LRRC7: variants seen among roughly 807,000 people sequenced by gnomAD.
LRRC7 encodes leucine-rich repeat-containing protein 7.
In LRRC7, 23 loss-of-function variants were observed where a neutral mutation model predicts 175.7. The observed-to-expected ratio is 0.13, with a 90% CI of 0.09 to 0.19. The LOEUF (loss-of-function observed/expected upper bound fraction) is 0.19. LRRC7 is among the 10% of genes least tolerant of loss of function. The pLI, the probability that LRRC7 is intolerant of heterozygous loss-of-function variation, is 1.00. For synonymous variants in LRRC7, 685 were observed against 680.9 expected, an observed-to-expected ratio of 1.01 and a Z score of -0.09; for missense variants, 1,354 against 1,904.7, an observed-to-expected ratio of 0.71 and a Z score of 5.38.
chr1:70,013,109 C>T lies in LRRC7; in HGVS notation c.1250+20C>T. The T allele has an allele frequency of 2.9e-6, 4 of 1,388,274 alleles. No homozygotes were observed. The highest frequency in any genetic ancestry group is 4.0e-6 in the Non-Finnish European group (4 of 1,002,634). 86.0% of individuals were successfully genotyped at this position (1,388,274 alleles called of 1,614,324 possible). A position where few individuals can be genotyped will look rare whatever the true frequency, so the allele number is the denominator to read the frequency against. On this transcript the variant is annotated intron_variant, in intron 13 of 26. Transcript: ENST00000651989. ...CAACAGGTATTTTTGCAACATTTCA[C>T]AATCACATATTAGTTATTTGCTGAA...
At chr1:69,859,025 G>A (rs1684052538) in intron 7 of LRRC7, among the ~76,000 whole-genome samples, 1 of 152,112 alleles carries the variant, frequency 6.6e-6, no homozygotes, top group South Asian at 2.1e-4. Flanking sequence ...GCAATTGACA[G>A]CAATACAATA....
chr1:70,038,381 A>C lies in LRRC7; in HGVS notation c.2557A>C (p.Arg853=), dbSNP rs1413278239. 6.2e-7 allele frequency: 1 copy of C among 1,614,162 alleles called. No individual in the cohort carries two copies. The highest frequency in any genetic ancestry group is 2.2e-5 in the East Asian group (1 of 44,860). The part of the protein sequence containing the change: ...HGRRPLIRQD[R]IVGVPLELEQ... The stretch of plus-strand genomic sequence containing the variant: ...ACGCAGGCCTTTGATCAGGCAAGAC[A>C]GGATTGTTGGTGTTCCCCTGGAACT... The change falls in exon 21 of 27, where the codon AGG becomes CGG. Residue 853 remains arginine (R), a synonymous_variant. Coordinates refer to ENST00000651989, the MANE Select transcript of LRRC7 (RefSeq NM_001370785.2).
At chr1:69,804,235 T>C (rs888423353) in intron 4 of LRRC7, among the ~76,000 whole-genome samples, 1 of 151,488 alleles carries the variant, frequency 6.6e-6, no homozygotes, top group Non-Finnish European at 1.5e-5. Flanking sequence ...ATTTTTCAAA[T>C]GTTTCTTCTT....
chr1:69,789,959 T>C (rs1674924252), intron 3 of LRRC7, among the ~76,000 whole-genome samples: 1 of 152,066 alleles, frequency 6.6e-6, no homozygotes, highest in African/African-American at 2.4e-5. Context: ...TCATCAAATA[T>C]TCAAGGCCAT....
In LRRC7 at chr1:69,951,601, C is replaced by T. The variant is rs537623121; in HGVS notation, c.711+20031C>T. Among the ~76,000 whole-genome samples the T allele has an allele frequency of 5.7e-4, 86 of 152,128 alleles. 2 individuals are homozygous for T. Among genetic ancestry groups the T allele is most frequent in the African/African-American group, 1.6e-3 (68 of 41,526 alleles). ...AGTACATATAGACCATGGAAAACTA[C>T]GCATCCATAAAAAAGAACAAGATCA... On this transcript the variant is annotated intron_variant, in intron 8 of 26. Coordinates refer to ENST00000651989, the MANE Select transcript of LRRC7 (RefSeq NM_001370785.2).
At chr1:69,875,930 G>T (rs994479215) in intron 7 of LRRC7, among the ~76,000 whole-genome samples, 26 of 152,116 alleles carry the variant, frequency 1.7e-4, no homozygotes, top group African/African-American at 6.3e-4. Context: ...TACAGTATGT[G>T]GCTACCCATT....
chr1:69,993,289 C>T lies in LRRC7; in HGVS notation c.932-1272C>T, dbSNP rs1654616276. On this transcript the variant is annotated intron_variant, in intron 10 of 26. Transcript: ENST00000651989. ...TGTATTCAGTTCCCAGGTACTTGCT[C>T]ATAACAGTCTGATAGTGATAACATT... Among the ~76,000 whole-genome samples the T allele has an allele frequency of 2.0e-5, 3 of 152,120 alleles. No homozygotes were observed. In the South Asian group the frequency reaches 6.2e-4, roughly 32 times the overall value.
At chr1:70,080,958 C>T (rs1257367021) in intron 24 of LRRC7, among the ~76,000 whole-genome samples, 2 of 152,164 alleles carry the variant, frequency 1.3e-5, no homozygotes, top group South Asian at 2.1e-4. Context: ...TTAAAGATCC[C>T]ATCCACCTTA....
intron 1 of LRRC7, among the ~76,000 whole-genome samples, chr1:69,592,284 G>A (rs1646667864): frequency 6.6e-6 from 1 of 151,862 alleles, no homozygotes; most frequent in Admixed American, 6.6e-5. Flanking sequence ...AAATTTTTAC[G>A]TAAAGTCTGC....
intron 7 of LRRC7, among the ~76,000 whole-genome samples, chr1:69,882,298 C>T (rs1451193163): frequency 2.6e-5 from 4 of 152,072 alleles, no homozygotes; most frequent in South Asian, 4.2e-4. Context: ...TTACAGAAAA[C>T]GGTACGAAGA....
chr1:69,572,071 T>C (rs1370018678), intron 1 of LRRC7, among the ~76,000 whole-genome samples: 1 of 152,138 alleles, frequency 6.6e-6, no homozygotes, highest in Non-Finnish European at 1.5e-5. Flanking sequence ...TTTAGGGGAA[T>C]GTTAATTCAA....
intron 1 of LRRC7, among the ~76,000 whole-genome samples, chr1:69,677,234 T>A (rs1314868916): frequency 1.9e-5 from 2 of 103,748 alleles, no homozygotes; most frequent in Non-Finnish European, 2.3e-5. Flanking sequence ...TAACATATAT[T>A]ATATATGTTA....
chr1:70,101,668 A>ATT (rs1185143540), intron 25 of LRRC7, among the ~76,000 whole-genome samples: 1 of 152,214 alleles, frequency 6.6e-6, no homozygotes, highest in Non-Finnish European at 1.5e-5. Flanking sequence ...TTTTTCCAAA[A>ATT]TTACTGTGAA....
intron 25 of LRRC7, among the ~76,000 whole-genome samples, chr1:70,091,574 T>C (rs1280012979): frequency 6.6e-6 from 1 of 152,204 alleles, no homozygotes; most frequent in Non-Finnish European, 1.5e-5. Flanking sequence ...AGTCAAGATG[T>C]CAGAATACTG....
At chr1:70,044,242 G>GA in intron 22 of LRRC7, 148 bp downstream of exon 22, 1 of 663,976 alleles carries the variant, frequency 1.5e-6, no homozygotes. Context: ...TGTAGAGCCT[G>GA]AACTCTTAGC....
At chr1:69,821,151 A>C (rs1196900206) in intron 4 of LRRC7, among the ~76,000 whole-genome samples, 5 of 152,170 alleles carry the variant, frequency 3.3e-5, no homozygotes, top group African/African-American at 1.2e-4. Flanking sequence ...TTGGCTACAT[A>C]AATGTATTTC....
At chr1:69,693,101 C>T (rs754434557) in intron 2 of LRRC7, among the ~76,000 whole-genome samples, 3 of 152,178 alleles carry the variant, frequency 2.0e-5, no homozygotes, top group Admixed American at 6.5e-5. Flanking sequence ...ACTGGCTTTC[C>T]TGGGTCTCCA....
rs61784014 is a variant in LRRC7 at position 69,811,908 on chromosome 1, T to A, written c.422-13840T>A. ...ACATTCTGTGCATGTATCCCAGAAC[T>A]TAAACTATAATAAAAAATTTTTAAA... On this transcript the variant is annotated intron_variant, in intron 4 of 26. Transcript: ENST00000651989. Among the ~76,000 whole-genome samples the A allele has an allele frequency of 3.3e-3, 496 of 152,154 alleles. 1 individual carries two copies. The highest frequency in any genetic ancestry group is 0.02 in the Middle Eastern group (6 of 294).
chr1:70,013,116 A>G lies in LRRC7; in HGVS notation c.1250+27A>G, dbSNP rs201341601. 9.1e-5 allele frequency: 122 copies of G among 1,347,188 alleles called. No individual in the cohort carries two copies. In the South Asian group the frequency reaches 1.5e-3, roughly 17 times the overall value. The allele number at this position is 1,347,188 out of a possible 1,614,324, so 83.5% of individuals were successfully genotyped here. ...TATTTTTGCAACATTTCACAATCAC[A>G]TATTAGTTATTTGCTGAAAGCAAAT... is the stretch of plus-strand genomic sequence containing the variant. On this transcript the variant is annotated intron_variant, in intron 13 of 26. Transcript: ENST00000651989.
Sources: allele counts gnomAD v4.1 joint callset (sites outside exome capture counted in the v4.1 genomes callset), GRCh38; gene constraint gnomAD v4.1.1; transcripts MANE v1.5; gene names NCBI Gene and HGNC (gene_info 2026-07-23, HGNC 2026-07-21).